CFAP54: variants seen among roughly 807,000 people sequenced by gnomAD.
The protein encoded by CFAP54 is cilia and flagella associated protein 54.
In CFAP54, 290 loss-of-function variants were observed where a neutral mutation model predicts 370.4. The observed-to-expected ratio is 0.78, with a 90% confidence interval of 0.71 to 0.86. The LOEUF (loss-of-function observed/expected upper bound fraction) is 0.86, where lower values mean the gene tolerates loss of function less well. CFAP54 is among the 40% of genes least tolerant of loss of function. The pLI is 0.00. For missense variants in CFAP54, 3,399 were observed against 3,528.7 expected, an observed-to-expected ratio of 0.96 and a Z score of 0.93; for synonymous variants, 1,206 against 1,236.5, an observed-to-expected ratio of 0.98 and a Z score of 0.52.
rs144330620 is a variant in CFAP54 at position 96,501,193 on chromosome 12, C to T, written c.423+254C>T. On this transcript the variant is annotated intron_variant, in intron 2 of 67. Coordinates refer to ENST00000524981, the MANE Select transcript of CFAP54 (RefSeq NM_001306084.2). ...GGCTGTGGATGGGCAGGAGGGTGGC[C>T]GGGTTAACAGAGGGTGTGGTAGGCA... is the stretch of plus-strand genomic sequence containing the variant. The T allele has an allele frequency of 3.4e-3, 1,087 of 321,040 alleles. 3 individuals carry two copies. Among genetic ancestry groups the T allele is most frequent in the Non-Finnish European group, 4.4e-3 (753 of 171,222 alleles). The allele number at this position is 321,040 out of a possible 1,614,324, so 19.9% of individuals were successfully genotyped here.
chr12:96,564,460 T>C lies in CFAP54; in HGVS notation c.2411-8T>C. ...CTTAATTGTTATGACAGTCGTCTTC[T>C]TCTTCAGTTTTGCAGACTCCAACTG... On this transcript the variant is annotated splice_polypyrimidine_tract_variant and splice_region_variant and intron_variant, in intron 17 of 67. Transcript: ENST00000524981. 1.5e-6 allele frequency: 1 copy of C among 688,996 alleles called. No individual in the cohort carries two copies. Among genetic ancestry groups the C allele is most frequent in the Non-Finnish European group, 2.6e-6 (1 of 379,344 alleles). The allele number at this position is 688,996 out of a possible 1,614,324, so 42.7% of individuals were successfully genotyped here. A position where few individuals can be genotyped will look rare whatever the true frequency, so the allele number is the denominator to read the frequency against.
At position 96,860,833 on chromosome 12, in the gene CFAP54, C is replaced by G. The variant is rs1370783376; in HGVS notation, c.9186C>G (p.Ile3062Met). 6.5e-7 allele frequency: 1 copy of G among 1,531,948 alleles called. No individual in the cohort carries two copies. The highest frequency in any genetic ancestry group is 1.2e-5 in the South Asian group (1 of 82,898). The allele number at this position is 1,531,948 out of a possible 1,614,324, so 94.9% of individuals were successfully genotyped here. The stretch of plus-strand genomic sequence containing the variant: ...TTTTTCCTCAGGTCCCATTTGATAT[C>G]TCACTGCCGTCTATATTCAATCTTG... ...PTPLSEVPFDISLPSIFNLER... is the reference protein window; with the variant it reads ...PTPLSEVPFDMSLPSIFNLER... The change falls in exon 67 of 68, where the codon ATC becomes ATG. Residue 3062 changes from isoleucine (I) to methionine (M), a missense_variant. Physicochemically the swap from Ile to Met is conservative, Grantham distance 10. Around this residue, in one of 3 missense-constraint regions of CFAP54, gnomAD observed 2,796 missense variants for 2,869.7 expected, o/e 0.97. Transcript: ENST00000524981.
chr12:96,645,223 T>C, intron 33 of CFAP54: 1 of 455,542 alleles, frequency 2.2e-6, no homozygotes, highest in Non-Finnish European at 4.4e-6. Flanking sequence ...AGAAGATACA[T>C]ACATAATATG....
intron 66 of CFAP54, among the ~76,000 whole-genome samples, chr12:96,853,235 C>T (rs1039882280): frequency 2.0e-5 from 3 of 152,006 alleles, no homozygotes; most frequent in East Asian, 1.9e-4. Context: ...ATGAAAACTA[C>T]GTATCAATAA....
intron 47 of CFAP54, among the ~76,000 whole-genome samples, chr12:96,705,726 C>T (rs1241570973): frequency 6.6e-6 from 1 of 152,178 alleles, no homozygotes; most frequent in Non-Finnish European, 1.5e-5. Context: ...TACCGTTGGT[C>T]TGCTTAAGAC....
intron 64 of CFAP54, among the ~76,000 whole-genome samples, chr12:96,815,146 G>T (rs1362051500): frequency 3.9e-5 from 6 of 152,120 alleles, no homozygotes. Context: ...TTCCATAATG[G>T]TTGAACTAAT....
chr12:96,580,858 A>C (rs1403198665), intron 21 of CFAP54, 62 bp from the exon 22 acceptor site: 1 of 1,254,770 alleles, frequency 8.0e-7, no homozygotes, highest in African/African-American at 1.5e-5. Flanking sequence ...ACTTAATTGT[A>C]TTTTAAAAGT....
intron 45 of CFAP54, among the ~76,000 whole-genome samples, chr12:96,695,449 A>C (rs755552064): frequency 1.2e-4 from 19 of 152,244 alleles, no homozygotes; most frequent in Admixed American, 2.0e-4. Flanking sequence ...ACCTGGGAAT[A>C]AATAATTTGT....
intron 19 of CFAP54, among the ~76,000 whole-genome samples, chr12:96,569,207 G>A (rs570927822): frequency 7.9e-5 from 12 of 152,294 alleles, no homozygotes; most frequent in African/African-American, 2.6e-4. Context: ...TGAGGATGCT[G>A]TTGTTTTCTG....
At chr12:96,794,338 A>G (rs1021834246) in intron 63 of CFAP54, among the ~76,000 whole-genome samples, 2 of 152,054 alleles carry the variant, frequency 1.3e-5, no homozygotes, top group African/African-American at 4.8e-5. Context: ...ACATTTTCCA[A>G]ACTTTTAGAT....
chr12:96,684,547 T>C, intron 40 of CFAP54, 101 bp from the exon 41 acceptor site: 1 of 894,438 alleles, frequency 1.1e-6, no homozygotes, highest in South Asian at 1.6e-5. Context: ...TATTGCAATC[T>C]ACACAGTTAA....
chr12:96,786,801 ATTC>A lies in CFAP54; in HGVS notation c.8591_8593del (p.Ser2864del), dbSNP rs759923527. Reference sequence around the variant, plus strand: ...TTCCTTAAAAAATTCTTACAGCTGTATTCTTCTTCTTGTATTGATGAATTTCCA... The same window carrying A: ...TTCCTTAAAAAATTCTTACAGCTGTATTCTTCTTGTATTGATGAATTTCCA... On this transcript the variant is annotated inframe_deletion, in exon 62 of 68. Coordinates refer to ENST00000524981, the MANE Select transcript of CFAP54 (RefSeq NM_001306084.2). The A allele has an allele frequency of 7.2e-6, 11 of 1,535,784 alleles. No homozygotes were observed. Among genetic ancestry groups the A allele is most frequent in the South Asian group, 1.2e-5 (1 of 84,052 alleles).
At chr12:96,503,080 T>C (rs1044656070) in intron 2 of CFAP54, among the ~76,000 whole-genome samples, 3 of 138,004 alleles carry the variant, frequency 2.2e-5, no homozygotes, top group Non-Finnish European at 3.0e-5. Flanking sequence ...CTTTCTTTCT[T>C]TCTCTTTCTT....
chr12:96,844,888 G>C (rs746585924), intron 66 of CFAP54, among the ~76,000 whole-genome samples: 2 of 152,110 alleles, frequency 1.3e-5, no homozygotes, highest in Admixed American at 6.5e-5. Flanking sequence ...TCAGTTTCCT[G>C]CTCCTTCCCT....
At chr12:96,662,580 A>G (rs1219688844) in intron 38 of CFAP54, among the ~76,000 whole-genome samples, 1 of 152,196 alleles carries the variant, frequency 6.6e-6, no homozygotes, top group Non-Finnish European at 1.5e-5. Flanking sequence ...CTCTGTTTAA[A>G]ACCCTATGGT....
At chr12:96,505,596 G>C (rs1955091084) in intron 3 of CFAP54, among the ~76,000 whole-genome samples, 1 of 148,898 alleles carries the variant, frequency 6.7e-6, no homozygotes. Context: ...TCCGCCTCCT[G>C]GGCCCAAGTG....
At chr12:96,618,216 G>A (rs1956444006) in intron 26 of CFAP54, among the ~76,000 whole-genome samples, 1 of 152,098 alleles carries the variant, frequency 6.6e-6, no homozygotes, top group Admixed American at 6.5e-5. Flanking sequence ...GGCAGCTTGT[G>A]GTTTGCATCT....
At chr12:96,502,417 AAAG>A (rs1850364363) in intron 2 of CFAP54, among the ~76,000 whole-genome samples, 1 of 151,388 alleles carries the variant, frequency 6.6e-6, no homozygotes, top group African/African-American at 2.4e-5. Flanking sequence ...AAAAAAAAAA[AAAG>A]GTATTTATAA....
intron 56 of CFAP54, among the ~76,000 whole-genome samples, chr12:96,754,162 T>C (rs1958224046): frequency 6.6e-6 from 1 of 152,188 alleles, no homozygotes; most frequent in East Asian, 1.9e-4. Context: ...AGTTTCAGGT[T>C]TGACTGAAAA....
Sources: allele counts gnomAD v4.1 joint callset (sites outside exome capture counted in the v4.1 genomes callset), GRCh38; gene constraint gnomAD v4.1.1; regional missense constraint gnomAD v4.1.1; transcripts MANE v1.5; gene names NCBI Gene and HGNC (gene_info 2026-07-23, HGNC 2026-07-21).